Variants in ITPR2 observed in about 807,000 individuals in gnomAD.
ITPR2 encodes the protein inositol 1,4,5-trisphosphate-gated calcium channel ITPR2.
In ITPR2, 207 loss-of-function variants were observed where a neutral mutation model predicts 317.1. That is an observed-to-expected ratio of 0.65 (90% CI 0.58 to 0.73). The LOEUF (loss-of-function observed/expected upper bound fraction) is 0.73, where lower values mean the gene tolerates loss of function less well. Among genes scored for constraint, ITPR2 ranks in the 30% least tolerant of loss-of-function variants. ITPR2 has a pLI of 0.00. For synonymous variants in ITPR2, 1,156 were observed against 1,149.1 expected, an observed-to-expected ratio of 1.01 and a Z score of -0.12; for missense variants, 2,613 against 3,284.0, an observed-to-expected ratio of 0.80 and a Z score of 4.99.
chr12:26,395,334 T>C (rs755932770), intron 54 of ITPR2, among the ~76,000 whole-genome samples: 2 of 152,092 alleles, frequency 1.3e-5, no homozygotes, highest in Non-Finnish European at 2.9e-5. Flanking sequence ...TGACAGTTAT[T>C]GTGATGTTTA....
chr12:26,701,728 T>C (rs1233935602), intron 9 of ITPR2, among the ~76,000 whole-genome samples: 1 of 152,304 alleles, frequency 6.6e-6, no homozygotes, highest in Non-Finnish European at 1.5e-5. Context: ...ATTATAGAGT[T>C]TCTTGAGTAC....
At chr12:26,695,755 T>C (rs1948333139) in intron 9 of ITPR2, 105 bp from the exon 10 acceptor site, 2 of 710,196 alleles carry the variant, frequency 2.8e-6, no homozygotes, top group Non-Finnish European at 4.9e-6. Context: ...CTAAGTTTAA[T>C]ATAAAAAGAT....
In ITPR2 at chr12:26,495,523, G is replaced by A. The variant is rs148565547; in HGVS notation, c.5074-263C>T. On this transcript the variant is annotated intron_variant, in intron 37 of 56. Coordinates refer to ENST00000381340, the MANE Select transcript of ITPR2 (RefSeq NM_002223.4). ...GTTTATGGCAGATATTGTGGTGGTG[G>A]TTTCACAGTGTATACTTATCTCCAA... The A allele has an allele frequency of 3.5e-3, 1,263 of 356,414 alleles. 20 individuals are homozygous for A. Among genetic ancestry groups the A allele is most frequent in the Admixed American group, 0.027 (602 of 22,566 alleles). The allele number at this position is 356,414 out of a possible 1,614,324, so 22.1% of individuals were successfully genotyped here.
chr12:26,712,673 A>G (rs897455118), intron 8 of ITPR2, among the ~76,000 whole-genome samples: 2 of 129,262 alleles, frequency 1.5e-5, no homozygotes, highest in African/African-American at 6.1e-5. Flanking sequence ...ACACACACAC[A>G]CAATTTTGTG....
At chr12:26,371,184 T>A (rs546404335) in intron 55 of ITPR2, among the ~76,000 whole-genome samples, 1 of 152,176 alleles carries the variant, frequency 6.6e-6, no homozygotes, top group Non-Finnish European at 1.5e-5. Flanking sequence ...ATTTCAGTCA[T>A]TAAAAGTATT....
intron 37 of ITPR2, among the ~76,000 whole-genome samples, chr12:26,510,000 GTGTGGT>G (rs1943291987): frequency 3.0e-5 from 4 of 131,984 alleles, no homozygotes; most frequent in Admixed American, 7.5e-5. Context: ...GTGTGTGTGT[GTGTGGT>G]GGGGGGTGGG....
At chr12:26,636,294 G>A (rs1283817650) in intron 21 of ITPR2, among the ~76,000 whole-genome samples, 1 of 151,996 alleles carries the variant, frequency 6.6e-6, no homozygotes, top group South Asian at 2.1e-4. Context: ...TTAAATTTCG[G>A]TCATGGCATT....
At chr12:26,505,517 T>C (rs145174334) in intron 37 of ITPR2, among the ~76,000 whole-genome samples, 31 of 152,306 alleles carry the variant, frequency 2.0e-4, no homozygotes, top group Admixed American at 3.9e-4. Context: ...AGCTCAACCA[T>C]ATCTTCCTCA....
chr12:26,389,318 A>G (rs2136632067), intron 54 of ITPR2, among the ~76,000 whole-genome samples: 1 of 152,352 alleles, frequency 6.6e-6, no homozygotes, highest in Middle Eastern at 3.4e-3. Flanking sequence ...AAGCAACAGC[A>G]TGGTCAGTTA....
chr12:26,653,672 C>T (rs72480025), intron 21 of ITPR2, among the ~76,000 whole-genome samples: 54,108 of 152,052 alleles, frequency 0.36, 10,265 homozygotes, highest in East Asian at 0.64. Flanking sequence ...AACCACATGA[C>T]CACAAACATC....
chr12:26,509,941 A>G (rs932382784), intron 37 of ITPR2, among the ~76,000 whole-genome samples: 1 of 121,810 alleles, frequency 8.2e-6, no homozygotes, highest in Non-Finnish European at 1.7e-5. Context: ...TATTTTGTTA[A>G]CAAGTAGATA....
intron 52 of ITPR2, among the ~76,000 whole-genome samples, chr12:26,405,170 G>T (rs1180192591): frequency 1.3e-5 from 2 of 151,758 alleles, no homozygotes. Context: ...GAAAGAAGGA[G>T]GAGGAGGAGG....
At chr12:26,447,547 T>G (rs1438922303) in intron 45 of ITPR2, among the ~76,000 whole-genome samples, 1 of 151,782 alleles carries the variant, frequency 6.6e-6, no homozygotes, top group Non-Finnish European at 1.5e-5. Context: ...AGAAATATGC[T>G]TTGATGACAT....
chr12:26,706,913 C>A (rs997283446), intron 9 of ITPR2, among the ~76,000 whole-genome samples: 1 of 152,182 alleles, frequency 6.6e-6, no homozygotes, highest in Non-Finnish European at 1.5e-5. Context: ...TTTGGACATT[C>A]TGTATCTCTG....
chr12:26,407,589 T>TA (rs956887927), intron 52 of ITPR2, among the ~76,000 whole-genome samples: 1 of 152,166 alleles, frequency 6.6e-6, no homozygotes, highest in Non-Finnish European at 1.5e-5. Flanking sequence ...AAGAAAGGCT[T>TA]AAAAAAATCT....
chr12:26,337,435 T>G lies in ITPR2; in HGVS notation c.*1962A>C, dbSNP rs1037329989. ...CTCTATCCATAAAACTCTGCCTGAT[T>G]AAAATATTTTAAAGTGTACTTTTTA... On this transcript the variant is annotated 3_prime_UTR_variant, in exon 57 of 57. Coordinates refer to ENST00000381340, the MANE Select transcript of ITPR2 (RefSeq NM_002223.4). 6 of 152,212 alleles carry G rather than the reference T, an allele frequency of 3.9e-5. No individual in the cohort carries two copies. Among genetic ancestry groups the G allele is most frequent in the African/African-American group, 1.4e-4 (6 of 41,474 alleles). 9.4% of individuals were successfully genotyped at this position (152,212 alleles called of 1,614,324 possible). A position where few individuals can be genotyped will look rare whatever the true frequency, so the allele number is the denominator to read the frequency against.
At chr12:26,592,492 T>C (rs1208380488) in intron 32 of ITPR2, among the ~76,000 whole-genome samples, 3 of 152,236 alleles carry the variant, frequency 2.0e-5, no homozygotes, top group African/African-American at 4.8e-5. Context: ...TTACACATTA[T>C]ATGGCTGTAT....
Position 26,602,666 on chromosome 12 carries a change from T to G in ITPR2, c.3503A>C (p.Lys1168Thr). Residue 1168 changes from lysine (K) to threonine (T), a missense_variant, in exon 27 of 57, where the codon AAA (lysine) becomes ACA (threonine). Transcript: ENST00000381340. The stretch of plus-strand genomic sequence containing the variant: ...GCTCTTGTTGCTGTCAATCTGAGGT[T>G]TCTTTGTTCCATCCTGCACTGGACT... ...ILSPVQDGTK[K>T]PQIDSNKSNN... 1.9e-6 allele frequency: 3 copies of G among 1,611,766 alleles called. No homozygotes were observed. The South Asian group carries it at 3.3e-5, about 18-fold the overall frequency.
chr12:26,655,613 CAAAAAAAAAAA>C (rs56325248), intron 20 of ITPR2, 84 bp downstream of exon 20: 34 of 638,350 alleles, frequency 5.3e-5, no homozygotes, highest in Non-Finnish European at 7.1e-5. Flanking sequence ...GACTCTGTCT[CAAAAAAAAAAA>C]AAAAAAAAGC....
Sources: allele counts gnomAD v4.1 joint callset (sites outside exome capture counted in the v4.1 genomes callset), GRCh38; gene constraint gnomAD v4.1.1; transcripts MANE v1.5; gene names NCBI Gene and HGNC (gene_info 2026-07-23, HGNC 2026-07-21).